Variants in MCM5 observed in about 807,000 individuals in gnomAD.
MCM5 encodes the protein DNA replication licensing factor MCM5.
Under a neutral mutation model 79.9 loss-of-function variants are expected in MCM5, and 46 were observed. The ratio of observed to expected loss-of-function variants is 0.58; its 90% CI spans 0.45 to 0.74. The LOEUF is 0.74. MCM5 is among the 30% of genes least tolerant of loss of function. MCM5 has a pLI of 0.00. For missense variants in MCM5, 883 were observed against 1,017.0 expected (o/e 0.87, Z 1.79); for synonymous variants, 404 against 390.5 (o/e 1.03, Z -0.41).
chr22:35,415,758 G>A, intron 9 of MCM5, 71 bp from the exon 10 acceptor site: 1 of 1,541,944 alleles, frequency 6.5e-7, no homozygotes, highest in Non-Finnish European at 8.8e-7. Context: ...CAACCTCAGT[G>A]GGTCTTTTTG....
chr22:35,421,509 T>C lies in MCM5; in HGVS notation c.1975+49T>C, dbSNP rs1279686476. ...TCTCAATTGATCTGGGTTCCCTGGC[T>C]CGGAGCTCTGTGGGCAGGGCTCTGG... is the stretch of plus-strand genomic sequence containing the variant. On this transcript the variant is annotated intron_variant, in intron 15 of 16. Coordinates refer to ENST00000216122, the MANE Select transcript of MCM5 (RefSeq NM_006739.4). The C allele has an allele frequency of 3.7e-6, 6 of 1,612,426 alleles. No homozygotes were observed. In the African/African-American group the frequency reaches 8.0e-5, roughly 22 times the overall value.
chr22:35,412,583 C>G lies in MCM5; in HGVS notation c.993C>G (p.Val331=), dbSNP rs1932415919. The G allele has an allele frequency of 1.3e-6, 2 of 1,585,898 alleles. No individual in the cohort carries two copies. Among genetic ancestry groups the G allele is most frequent in the East Asian group, 4.7e-5 (2 of 42,668 alleles). The part of the protein sequence containing the change: ...EFRRLAALPN[V]YEVISKSIAP... ...GTCGCCTGGCTGCCCTCCCAAATGTCTATGAGGTCATCTCCAAGAGCATCG... is the reference window on the plus strand; with the variant it reads ...GTCGCCTGGCTGCCCTCCCAAATGTGTATGAGGTCATCTCCAAGAGCATCG... Residue 331 remains valine (V), a synonymous_variant, in exon 8 of 17, where the codon GTC becomes GTG. Coordinates refer to ENST00000216122, the MANE Select transcript of MCM5 (RefSeq NM_006739.4).
At position 35,410,840 on chromosome 22, in the gene MCM5, CAG is replaced by C. The variant is rs760621295; in HGVS notation, c.850_851del (p.Arg284GlyfsTer49). 13 of 1,613,862 alleles carry C rather than the reference CAG, an allele frequency of 8.1e-6. No homozygotes were observed. The highest frequency in any genetic ancestry group is 2.2e-5 in the East Asian group (1 of 44,866). On this transcript the variant is annotated frameshift_variant, in exon 7 of 17. Coordinates refer to ENST00000216122, the MANE Select transcript of MCM5 (RefSeq NM_006739.4). LOFTEE classifies it high-confidence loss of function. ...FGLTTSRGRD[R>X]VGVGIRSSYI... is the part of the protein sequence containing the mutation. ...GCCTGACTACCAGCAGGGGCCGTGA[CAG>C]GGTGGGCGTGGGCATCCGAAGCTCC...
In MCM5 at chr22:35,424,264, G is replaced by T. The variant is rs1221281264; in HGVS notation, c.*9G>T. 1.3e-6 allele frequency: 2 copies of T among 1,536,888 alleles called. No individual in the cohort carries two copies. The highest frequency in any genetic ancestry group is 1.8e-6 in the Non-Finnish European group (2 of 1,137,558). ...TCTACCGCCTCAAGTGAGTCGCGCC[G>T]CCTCACTGGACTCATGGACTCGCCC... is the stretch of plus-strand genomic sequence containing the variant. On this transcript the variant is annotated 3_prime_UTR_variant, in exon 17 of 17. Transcript: ENST00000216122.
chr22:35,400,975 C>T (rs1454685457), intron 2 of MCM5, among the ~76,000 whole-genome samples: 1 of 152,096 alleles, frequency 6.6e-6, no homozygotes, highest in Non-Finnish European at 1.5e-5. Flanking sequence ...GCCATCACCA[C>T]GCCCGGATAA....
chr22:35,453,520 G>GAGAC, the MCM5 span, among the ~76,000 whole-genome samples: 5 of 151,928 alleles, frequency 3.3e-5, no homozygotes, highest in African/African-American at 9.7e-5. Context: ...TAGAGCATCA[G>GAGAC]AGACAGAAAG....
chr22:35,405,398 ACT>A (rs755504554), intron 4 of MCM5, among the ~76,000 whole-genome samples: 1 of 142,350 alleles, frequency 7.0e-6, no homozygotes, highest in Admixed American at 7.0e-5. Flanking sequence ...ACGGAGTTTG[ACT>A]CTGTCGCCCA....
In MCM5 at chr22:35,404,648, C is replaced by G. The variant is rs546015992; in HGVS notation, c.423+1106C>G. On this transcript the variant is annotated intron_variant, in intron 4 of 16. Transcript: ENST00000216122. ...GGTGCTAGGTTGAGGTGGTGATGGTCACTTTATTGTAATGATGCAGGCATG... is the reference window on the plus strand; with the variant it reads ...GGTGCTAGGTTGAGGTGGTGATGGTGACTTTATTGTAATGATGCAGGCATG... 7.9e-5 allele frequency among the ~76,000 whole-genome samples: 12 copies of G among 152,326 alleles called. No individual in the cohort carries two copies. In the South Asian group the frequency reaches 2.5e-3, roughly 32 times the overall value.
At chr22:35,401,837 T>TC (rs1184307647) in intron 2 of MCM5, 2 of 388,632 alleles carry the variant, frequency 5.1e-6, no homozygotes, top group African/African-American at 2.1e-5. Flanking sequence ...AGGGAAGTTT[T>TC]CCGGGGGGCT....
chr22:35,416,686 G>C lies in MCM5; in HGVS notation c.1462G>C (p.Ala488Pro). Residue 488 changes from alanine to proline, a missense_variant, in exon 12 of 17, where the codon GCC (alanine) becomes CCC (proline). This residue lies in a region of MCM5 where 426 missense variants were observed against 482.3 expected (regional missense o/e 0.88). Transcript: ENST00000216122. ...CTCCCGCTGCTCCGTCCTGGCTGCT[G>C]CCAACTCAGTGTTCGGCCGCTGGGA... ...LNSRCSVLAA[A>P]NSVFGRWDET... 1 of 1,614,138 alleles carries C rather than the reference G, an allele frequency of 6.2e-7. No individual in the cohort carries two copies. The highest frequency in any genetic ancestry group is 8.5e-7 in the Non-Finnish European group (1 of 1,180,022).
At chr22:35,406,454 C>A in intron 4 of MCM5, 99 bp from the exon 5 acceptor site, 2 of 1,143,068 alleles carry the variant, frequency 1.7e-6, no homozygotes, top group South Asian at 1.4e-5. Context: ...CAGCTCTGTG[C>A]CCACCTCCTC....
At chr22:35,432,092 G>C in the MCM5 span, among the ~76,000 whole-genome samples, 5 of 152,188 alleles carry the variant, frequency 3.3e-5, no homozygotes, top group African/African-American at 1.2e-4. Flanking sequence ...ACTAGTGCCT[G>C]TTACATTCTC....
Position 35,403,508 on chromosome 22 carries a change from C to G in MCM5, c.389C>G (p.Ser130Trp). 1 of 1,614,092 alleles carries G rather than the reference C, an allele frequency of 6.2e-7. No homozygotes were observed. Among genetic ancestry groups the G allele is most frequent in the African/African-American group, 1.3e-5 (1 of 75,036 alleles). Residue 130 changes from serine (S) to tryptophan (W), a missense_variant, in exon 4 of 17, where the codon TCG becomes TGG. Ser to Trp is a radical substitution (Grantham distance 177, BLOSUM62 -3). Around this residue, in one of 3 missense-constraint regions of MCM5, gnomAD observed 455 missense variants for 517.5 expected, o/e 0.88. Coordinates refer to ENST00000216122, the MANE Select transcript of MCM5 (RefSeq NM_006739.4). ...CAGGACATCCAGGTCATGCTCAAGTCGGACGCCAGCCCTTCCAGCATTCGT... is the reference window on the plus strand; with the variant it reads ...CAGGACATCCAGGTCATGCTCAAGTGGGACGCCAGCCCTTCCAGCATTCGT... ...VLQDIQVMLK[S>W]DASPSSIRSL...
At chr22:35,450,157 A>G in the MCM5 span, among the ~76,000 whole-genome samples, 59 of 152,228 alleles carry the variant, frequency 3.9e-4, no homozygotes, top group African/African-American at 1.4e-3. Context: ...TCATCAACAG[A>G]ATGGGGATAA....
chr22:35,429,903 C>G (rs1932801638), downstream of MCM5, among the ~76,000 whole-genome samples: 1 of 152,202 alleles, frequency 6.6e-6, no homozygotes, highest in Non-Finnish European at 1.5e-5. Flanking sequence ...AGCAAGACTT[C>G]TGGGCTCCAT....
At chr22:35,410,095 C>T (rs1197366527) in intron 6 of MCM5, 2 of 154,828 alleles carry the variant, frequency 1.3e-5, no homozygotes, top group Non-Finnish European at 2.9e-5. Flanking sequence ...CACCTGACTC[C>T]ACAACATGAG....
intron 4 of MCM5, among the ~76,000 whole-genome samples, chr22:35,404,282 G>A (rs2145783618): frequency 6.6e-6 from 1 of 152,316 alleles, no homozygotes; most frequent in Non-Finnish European, 1.5e-5. Context: ...TACAGCTCGT[G>A]TGTCTCAGCC....
Position 35,407,751 on chromosome 22 carries a change from C to T in MCM5, c.597-657C>T, listed in dbSNP as rs1932259233. Among the ~76,000 whole-genome samples, 6 of 152,218 alleles carry T rather than the reference C, an allele frequency of 3.9e-5. No individual in the cohort carries two copies. The South Asian group carries it at 1.2e-3, about 32-fold the overall frequency. On this transcript the variant is annotated intron_variant, in intron 5 of 16. Coordinates refer to ENST00000216122, the MANE Select transcript of MCM5 (RefSeq NM_006739.4). Reference sequence around the variant, plus strand: ...ACGTACCTCGTCTCTCCCACACCTGCCTACTTTTTTACTTTTCTTCACAGC... The same window carrying T: ...ACGTACCTCGTCTCTCCCACACCTGTCTACTTTTTTACTTTTCTTCACAGC...
rs1932767839 is a variant in MCM5 at position 35,425,229 on chromosome 22, T to G, written c.*974T>G. The G allele has an allele frequency of 6.6e-6, 1 of 152,096 alleles. No individual in the cohort carries two copies. 9.4% of individuals were successfully genotyped at this position (152,096 alleles called of 1,614,324 possible). A position where few individuals can be genotyped will look rare whatever the true frequency, so the allele number is the denominator to read the frequency against. Reference sequence around the variant, plus strand: ...TTTTGTGTTTTTAAAAAAGCTAGGATTCATAAAATTAAATAGAAATCAGTG... The same window carrying G: ...TTTTGTGTTTTTAAAAAAGCTAGGAGTCATAAAATTAAATAGAAATCAGTG... On this transcript the variant is annotated 3_prime_UTR_variant, in exon 17 of 17. Coordinates refer to ENST00000216122, the MANE Select transcript of MCM5 (RefSeq NM_006739.4).
Sources: allele counts gnomAD v4.1 joint callset (sites outside exome capture counted in the v4.1 genomes callset), GRCh38; gene constraint gnomAD v4.1.1; regional missense constraint gnomAD v4.1.1; transcripts MANE v1.5; gene names NCBI Gene and HGNC (gene_info 2026-07-23, HGNC 2026-07-21).